The following DRD4 variants were observed in gnomAD, a reference collection of about 807,000 sequenced individuals.
The protein encoded by DRD4 is dopamine receptor D4, also known as D(4) dopamine receptor.
A neutral mutation model predicts 22.1 loss-of-function variants in DRD4; 26 were observed. That is an observed-to-expected ratio of 1.17 (90% confidence interval 0.86 to 1.63). The LOEUF (loss-of-function observed/expected upper bound fraction) is 1.63, where lower values mean the gene tolerates loss of function less well. Among genes scored for constraint, DRD4 ranks in the 40% most tolerant of loss-of-function variants. The pLI, the probability that DRD4 is intolerant of heterozygous loss-of-function variation, is 0.00. For synonymous variants in DRD4, 455 were observed against 306.7 expected (o/e 1.48, Z -5.05); for missense variants, 913 against 632.4 (o/e 1.44, Z -4.76).
chr11:639,203 C>G lies in DRD4; in HGVS notation c.286-230C>G, dbSNP rs1858138863. ...TCAGGAATTCCAGGCTACAGTGAGC[C>G]ATGATGGAGCCACAGCACTCCAGCC... On this transcript the variant is annotated intron_variant, in intron 1 of 3. Transcript: ENST00000176183. The G allele has an allele frequency of 5.5e-6, 3 of 548,686 alleles. No homozygotes were observed. The South Asian group carries it at 6.0e-5, about 11-fold the overall frequency. 34.0% of individuals were successfully genotyped at this position (548,686 alleles called of 1,614,324 possible).
Position 637,346 on chromosome 11 carries a change from TGGGCGCGGGCC to T in DRD4, c.45_55del (p.Pro18GlyfsTer428), listed in dbSNP as rs1437254866. 18 of 1,281,724 alleles carry T rather than the reference TGGGCGCGGGCC, an allele frequency of 1.4e-5. No individual in the cohort carries two copies. In the East Asian group the frequency reaches 4.3e-4, roughly 30 times the overall value. The allele number at this position is 1,281,724 out of a possible 1,614,324, so 79.4% of individuals were successfully genotyped here. ...CCGCGGACGCGGACGGGCTGCTGGCTGGGCGCGGGCCGGCCGCGGGGGCATCTGCGGGGGCA... is the reference window on the plus strand; with the variant it reads ...CCGCGGACGCGGACGGGCTGCTGGCTGGCCGCGGGGGCATCTGCGGGGGCA... On this transcript the variant is annotated frameshift_variant, in exon 1 of 4. Transcript: ENST00000176183. LOFTEE classifies it high-confidence loss of function.
In DRD4 at chr11:639,473, A is replaced by G; in HGVS notation, c.326A>G (p.Asp109Gly). The G allele has an allele frequency of 6.2e-7, 1 of 1,602,504 alleles. No homozygotes were observed. The highest frequency in any genetic ancestry group is 8.5e-7 in the Non-Finnish European group (1 of 1,178,948). The change falls in exon 2 of 4, where the codon GAC (aspartate) becomes GGC (glycine). Residue 109 changes from aspartate (D) to glycine (G), a missense_variant. Transcript: ENST00000176183. ...GAWLLSPRLC[D>G]ALMAMDVMLC... is the part of the protein sequence containing the mutation. Reference sequence around the variant, plus strand: ...TGGCTGCTGAGCCCCCGCCTGTGCGACGCCCTCATGGCCATGGACGTCATG... The same window carrying G: ...TGGCTGCTGAGCCCCCGCCTGTGCGGCGCCCTCATGGCCATGGACGTCATG...
In DRD4 at chr11:639,785, G is replaced by C. The variant is rs546640234; in HGVS notation, c.536G>C (p.Gly179Ala). 2 of 1,578,628 alleles carry C rather than the reference G, an allele frequency of 1.3e-6. No individual in the cohort carries two copies. Among genetic ancestry groups the C allele is most frequent in the African/African-American group, 2.7e-5 (2 of 72,746 alleles). Residue 179 changes from glycine to alanine, a missense_variant, in exon 3 of 4, where the codon GGC (glycine) becomes GCC (alanine). Coordinates refer to ENST00000176183, the MANE Select transcript of DRD4 (RefSeq NM_000797.4). ...CTGTGCGGCCTCAACGACGTGCGCGGCCGCGACCCCGCCGTGTGCCGCCTG... is the reference window on the plus strand; with the variant it reads ...CTGTGCGGCCTCAACGACGTGCGCGCCCGCGACCCCGCCGTGTGCCGCCTG... Reference protein sequence around the residue: ...PVLCGLNDVRGRDPAVCRLED... With the variant: ...PVLCGLNDVRARDPAVCRLED...
In DRD4 at chr11:639,704, A is replaced by T. The variant is rs1858160254; in HGVS notation, c.455A>T (p.Gln152Leu). Residue 152 changes from glutamine to leucine, a missense_variant, in exon 3 of 4, where the codon CAG becomes CTG. Gln to Leu is a moderately radical substitution (Grantham distance 113). Transcript: ENST00000176183. ...AACCGGCAGGGTGGGAGCCGCCGGC[A>T]GCTGCTGCTCATCGGCGCCACGTGG... ...RYNRQGGSRR[Q>L]LLLIGATWLL... is the part of the protein sequence containing the mutation. 1 of 1,487,698 alleles carries T rather than the reference A, an allele frequency of 6.7e-7. No individual in the cohort carries two copies. The highest frequency in any genetic ancestry group is 2.2e-5 in the Admixed American group (1 of 45,298). The allele number at this position is 1,487,698 out of a possible 1,614,324, so 92.2% of individuals were successfully genotyped here.
At chr11:639,568 GC>G in intron 2 of DRD4, 23 bp downstream of exon 2, 1 of 1,401,576 alleles carries the variant, frequency 7.1e-7, no homozygotes, top group South Asian at 1.5e-5. Context: ...CCCCGCCCGC[GC>G]CCCGGCGCCC....
At chr11:639,096 G>C (rs1589957776) in intron 1 of DRD4, 1 of 317,530 alleles carries the variant, frequency 3.1e-6, no homozygotes, top group Non-Finnish European at 6.1e-6. Context: ...AAAACAAAAA[G>C]AAAAACAAAT....
In DRD4 at chr11:639,856, C is replaced by T. The variant is rs774497080; in HGVS notation, c.607C>T (p.Leu203=). The change falls in exon 3 of 4, where the codon CTA becomes TTA. Residue 203 remains leucine, a synonymous_variant. Coordinates refer to ENST00000176183, the MANE Select transcript of DRD4 (RefSeq NM_000797.4). ...VVYSSVCSFF[L]PCPLMLLLYW... is the part of the protein sequence containing the mutation. ...CTACTCGTCCGTGTGCTCCTTCTTCCTACCCTGCCCGCTCATGCTGCTGCT... is the reference window on the plus strand; with the variant it reads ...CTACTCGTCCGTGTGCTCCTTCTTCTTACCCTGCCCGCTCATGCTGCTGCT... 17 of 1,586,038 alleles carry T rather than the reference C, an allele frequency of 1.1e-5. No individual in the cohort carries two copies. Among genetic ancestry groups the T allele is most frequent in the East Asian group, 9.1e-5 (4 of 44,126 alleles).
chr11:637,449 C>G lies in DRD4; in HGVS notation c.145C>G (p.Leu49Val), dbSNP rs1858086594. 1 of 1,534,016 alleles carries G rather than the reference C, an allele frequency of 6.5e-7. No individual in the cohort carries two copies. The highest frequency in any genetic ancestry group is 2.4e-5 in the East Asian group (1 of 40,860). ...GGGCGTGCTGCTCATCGGCGCGGTG[C>G]TCGCGGGGAACTCGCTCGTGTGCGT... ...VGGVLLIGAV[L>V]AGNSLVCVSV... Residue 49 changes from leucine (L) to valine (V), a missense_variant, in exon 1 of 4, where the codon CTC becomes GTC. Physicochemically the swap from Leu to Val is conservative, Grantham distance 32 (BLOSUM62 1). Coordinates refer to ENST00000176183, the MANE Select transcript of DRD4 (RefSeq NM_000797.4).
In DRD4 at chr11:640,032, CTG is replaced by C; in HGVS notation, c.786_787del (p.Pro265ArgfsTer184). The C allele has an allele frequency of 8.3e-7, 1 of 1,204,328 alleles. No homozygotes were observed. Among genetic ancestry groups the C allele is most frequent in the Non-Finnish European group, 1.0e-6 (1 of 965,328 alleles). The allele number at this position is 1,204,328 out of a possible 1,614,324, so 74.6% of individuals were successfully genotyped here. A position where few individuals can be genotyped will look rare whatever the true frequency, so the allele number is the denominator to read the frequency against. On this transcript the variant is annotated frameshift_variant, in exon 3 of 4. Coordinates refer to ENST00000176183, the MANE Select transcript of DRD4 (RefSeq NM_000797.4). LOFTEE classifies it high-confidence loss of function. ...RLPQDPCGPD[C>X]APPAPGLPRG... ...TCCCCCAGGACCCCTGCGGCCCCGA[CTG>C]TGCGCCCCCCGCGCCCGGCCTTCCC... is the stretch of plus-strand genomic sequence containing the variant.
intron 1 of DRD4, among the ~76,000 whole-genome samples, chr11:637,999 A>T (rs1200465335): frequency 2.0e-5 from 3 of 152,070 alleles, no homozygotes; most frequent in Non-Finnish European, 4.4e-5. Flanking sequence ...ACACACACAC[A>T]CACACTGCCA....
Position 640,430 on chromosome 11 carries a change from T to G in DRD4, c.1087T>G (p.Phe363Val), listed in dbSNP as rs1364792552. ...GAFLLCWTPFFVVHITQALCP... is the reference protein window; with the variant it reads ...GAFLLCWTPFVVVHITQALCP... The stretch of plus-strand genomic sequence containing the variant: ...CTTCCTGCTGTGCTGGACGCCCTTC[T>G]TCGTGGTGCACATCACGCAGGCGCT... The change falls in exon 4 of 4, where the codon TTC becomes GTC. Residue 363 changes from phenylalanine to valine, a missense_variant. Physicochemically the swap from Phe to Val is conservative, Grantham distance 50. Coordinates refer to ENST00000176183, the MANE Select transcript of DRD4 (RefSeq NM_000797.4). 6.2e-7 allele frequency: 1 copy of G among 1,600,722 alleles called. No individual in the cohort carries two copies. Among genetic ancestry groups the G allele is most frequent in the Non-Finnish European group, 8.5e-7 (1 of 1,179,716 alleles).
rs1379913357 is a variant in DRD4, at chr11:639,666, GCCGCTGCGCTACAA to G, written c.421_434del (p.Leu141AlafsTer304). On this transcript the variant is annotated frameshift_variant, in exon 3 of 4. Transcript: ENST00000176183. LOFTEE classifies it high-confidence loss of function. Reference sequence around the variant, plus strand: ...CCCGCAGGTTCGTGGCCGTGGCCGTGCCGCTGCGCTACAACCGGCAGGGTGGGAGCCGCCGGCAG... The same window carrying G: ...CCCGCAGGTTCGTGGCCGTGGCCGTGCCGGCAGGGTGGGAGCCGCCGGCAG... The G allele has an allele frequency of 2.1e-5, 31 of 1,464,456 alleles. No homozygotes were observed. The highest frequency in any genetic ancestry group is 4.4e-5 in the African/African-American group (3 of 67,726). 90.7% of individuals were successfully genotyped at this position (1,464,456 alleles called of 1,614,324 possible). A position where few individuals can be genotyped will look rare whatever the true frequency, so the allele number is the denominator to read the frequency against.
chr11:639,615 C>T (rs1449944740), intron 2 of DRD4, 33 bp from the exon 3 acceptor site: 10 of 1,386,492 alleles, frequency 7.2e-6, no homozygotes, highest in Admixed American at 2.9e-5. Flanking sequence ...GCGGCCTGTG[C>T]GCTGTCCGGC....
rs1357374306 is a variant in DRD4, at chr11:640,158, G to A, written c.909G>A (p.Pro303=). 6.0e-6 allele frequency: 9 copies of A among 1,506,156 alleles called. No individual in the cohort carries two copies. The Middle Eastern group carries it at 7.1e-4, about 118-fold the overall frequency. The allele number at this position is 1,506,156 out of a possible 1,614,324, so 93.3% of individuals were successfully genotyped here. A position where few individuals can be genotyped will look rare whatever the true frequency, so the allele number is the denominator to read the frequency against. Residue 303 remains proline, a synonymous_variant, in exon 3 of 4, where the codon CCG becomes CCA. Coordinates refer to ENST00000176183, the MANE Select transcript of DRD4 (RefSeq NM_000797.4). Reference sequence around the variant, plus strand: ...CGCCCCCCGCGCCCGGCCTCCCCCCGGACCCCTGCGGCTCCAACTGTGCTC... The same window carrying A: ...CGCCCCCCGCGCCCGGCCTCCCCCCAGACCCCTGCGGCTCCAACTGTGCTC... The part of the protein sequence containing the change: ...DCAPPAPGLP[P]DPCGSNCAPP...
In DRD4 at chr11:639,468, G is replaced by A. The variant is rs1373327255; in HGVS notation, c.321G>A (p.Leu107=). Residue 107 remains leucine (L), a synonymous_variant, in exon 2 of 4, where the codon CTG becomes CTA. Coordinates refer to ENST00000176183, the MANE Select transcript of DRD4 (RefSeq NM_000797.4). ...QGGAWLLSPR[L]CDALMAMDVM... The stretch of plus-strand genomic sequence containing the variant: ...GCGCGTGGCTGCTGAGCCCCCGCCT[G>A]TGCGACGCCCTCATGGCCATGGACG... 6.2e-7 allele frequency: 1 copy of A among 1,602,106 alleles called. No individual in the cohort carries two copies. Among genetic ancestry groups the A allele is most frequent in the Non-Finnish European group, 8.5e-7 (1 of 1,178,864 alleles).
Position 640,521 on chromosome 11 carries a change from G to A in DRD4, c.1178G>A (p.Ser393Asn), listed in dbSNP as rs757838518. ...SAVTWLGYVN[S>N]ALNPVIYTVF... ...GTCACCTGGCTGGGCTACGTCAACA[G>A]CGCCCTCAACCCCGTCATCTACACT... The change falls in exon 4 of 4, where the codon AGC becomes AAC. Residue 393 changes from serine to asparagine, a missense_variant. Coordinates refer to ENST00000176183, the MANE Select transcript of DRD4 (RefSeq NM_000797.4). The A allele has an allele frequency of 6.3e-7, 1 of 1,599,824 alleles. No individual in the cohort carries two copies. Among genetic ancestry groups the A allele is most frequent in the South Asian group, 1.1e-5 (1 of 91,008 alleles).
chr11:637,800 T>A (rs1239092125), intron 1 of DRD4, among the ~76,000 whole-genome samples: 1 of 152,182 alleles, frequency 6.6e-6, no homozygotes, highest in Non-Finnish European at 1.5e-5. Flanking sequence ...CCCCCGACCC[T>A]CGTTCCTCTT....
Position 640,552 on chromosome 11 carries a change from C to G in DRD4, c.1209C>G (p.Phe403Leu). Residue 403 changes from phenylalanine to leucine, a missense_variant, in exon 4 of 4, where the codon TTC becomes TTG. Transcript: ENST00000176183. ...TCAACCCCGTCATCTACACTGTCTT[C>G]AACGCCGAGTTCCGCAACGTCTTCC... ...SALNPVIYTV[F>L]NAEFRNVFRK... 1 of 1,600,632 alleles carries G rather than the reference C, an allele frequency of 6.2e-7. No individual in the cohort carries two copies. The highest frequency in any genetic ancestry group is 1.1e-5 in the South Asian group (1 of 91,088).
In DRD4 at chr11:639,429, G is replaced by C. The variant is rs766091521; in HGVS notation, c.286-4G>C. ...ACCTCAGGGCCTGTGGTGTCGCCGC[G>C]CAGGTCCAGGGTGGCGCGTGGCTGC... is the stretch of plus-strand genomic sequence containing the variant. On this transcript the variant is annotated splice_polypyrimidine_tract_variant and splice_region_variant and intron_variant, in intron 1 of 3. Coordinates refer to ENST00000176183, the MANE Select transcript of DRD4 (RefSeq NM_000797.4). 3 of 1,586,854 alleles carry C rather than the reference G, an allele frequency of 1.9e-6. No individual in the cohort carries two copies. Among genetic ancestry groups the C allele is most frequent in the East Asian group, 4.6e-5 (2 of 43,458 alleles).
Sources: allele counts gnomAD v4.1 joint callset (sites outside exome capture counted in the v4.1 genomes callset), GRCh38; gene constraint gnomAD v4.1.1; transcripts MANE v1.5; gene names NCBI Gene and HGNC (gene_info 2026-07-23, HGNC 2026-07-21).